RANBP17: variants seen among roughly 807,000 people sequenced by gnomAD.
RANBP17 encodes RAN binding protein 17.
A neutral mutation model predicts 141.2 loss-of-function variants in RANBP17; 158 were observed. The ratio of observed to expected loss-of-function variants is 1.12; its 90% CI spans 0.98 to 1.28. The LOEUF is 1.28. Among genes scored for constraint, RANBP17 ranks in the 50% most tolerant of loss-of-function variants. The probability of loss-of-function intolerance (pLI) is 0.00; values close to 1 mark genes in which losing one functional copy is unlikely to be tolerated. For synonymous variants in RANBP17, 430 were observed against 450.0 expected (o/e 0.96, Z 0.56); for missense variants, 1,438 against 1,290.7 (o/e 1.11, Z -1.75).
In RANBP17 at chr5:170,974,974, G is replaced by A. The variant is rs373864181; in HGVS notation, c.1710+6597G>A. Among the ~76,000 whole-genome samples, 61 of 152,156 alleles carry A rather than the reference G, an allele frequency of 4.0e-4. 1 individual carries two copies. The South Asian group carries it at 0.012, about 31-fold the overall frequency. On this transcript the variant is annotated intron_variant, in intron 14 of 27. Transcript: ENST00000523189. ...AGGCCCTTGCGCTCTGGGCCTGGGA[G>A]ACAGAATGAGAGACAGCCCCAAGGA...
chr5:171,002,570 C>T (rs1779288092), intron 14 of RANBP17, among the ~76,000 whole-genome samples: 2 of 152,168 alleles, frequency 1.3e-5, no homozygotes, highest in South Asian at 2.1e-4. Flanking sequence ...ATATGGAAGG[C>T]ATATTTAGAG....
At chr5:171,265,056 G>A (rs1401675316) in intron 24 of RANBP17, among the ~76,000 whole-genome samples, 1 of 152,174 alleles carries the variant, frequency 6.6e-6, no homozygotes, top group African/African-American at 2.4e-5. Flanking sequence ...GATGAGGTTA[G>A]ACCACTGTTT....
intron 14 of RANBP17, among the ~76,000 whole-genome samples, chr5:171,054,153 TC>T (rs1462120899): frequency 6.6e-6 from 1 of 152,000 alleles, no homozygotes; most frequent in Non-Finnish European, 1.5e-5. Flanking sequence ...AAAGTGAGTC[TC>T]CTGTAAGCAG....
chr5:171,010,659 G>A (rs1412679019), intron 14 of RANBP17, among the ~76,000 whole-genome samples: 1 of 151,942 alleles, frequency 6.6e-6, no homozygotes, highest in Non-Finnish European at 1.5e-5. Context: ...AAATCTAAGG[G>A]GGAAAAATGA....
chr5:171,020,741 G>A (rs1240438280), intron 14 of RANBP17, among the ~76,000 whole-genome samples: 1 of 152,032 alleles, frequency 6.6e-6, no homozygotes, highest in Non-Finnish European at 1.5e-5. Context: ...GCCGGTCTGT[G>A]TCTTTTAATT....
intron 24 of RANBP17, chr5:171,251,914 A>C: frequency 6.3e-7 from 1 of 1,585,718 alleles, no homozygotes; most frequent in Non-Finnish European, 8.7e-7. Context: ...GTTTCCAGTG[A>C]ATGAGCACTA....
chr5:171,199,764 A>C lies in RANBP17; in HGVS notation c.2133A>C (p.Glu711Asp). Residue 711 changes from glutamate (E) to aspartate (D), a missense_variant, in exon 19 of 28, where the codon GAA (glutamate) becomes GAC (aspartate). Physicochemically the swap from Glu to Asp is conservative, Grantham distance 45 (BLOSUM62 2). Transcript: ENST00000523189. ...LQIFNNNFKQ[E>D]DVKRMLIGLA... is the part of the protein sequence containing the mutation. ...TATTCAACAACAACTTTAAACAAGA[A>C]GATGTAAAGGTGGGTTTGTTTCCAA... 6.3e-7 allele frequency: 1 copy of C among 1,592,702 alleles called. No individual in the cohort carries two copies. The highest frequency in any genetic ancestry group is 8.6e-7 in the Non-Finnish European group (1 of 1,162,964).
chr5:171,228,063 G>A (rs1318252563), intron 22 of RANBP17, among the ~76,000 whole-genome samples: 1 of 152,202 alleles, frequency 6.6e-6, no homozygotes, highest in Non-Finnish European at 1.5e-5. Flanking sequence ...GCATTCTGCA[G>A]CCCATGGATC....
At chr5:170,872,054 A>G (rs1220376228) in intron 1 of RANBP17, among the ~76,000 whole-genome samples, 3 of 152,194 alleles carry the variant, frequency 2.0e-5, no homozygotes, top group Non-Finnish European at 4.4e-5. Flanking sequence ...AATTCTGTGA[A>G]GAATGTCAAT....
intron 14 of RANBP17, among the ~76,000 whole-genome samples, chr5:171,060,559 G>A (rs1052603932): frequency 2.0e-5 from 3 of 152,130 alleles, no homozygotes; most frequent in African/African-American, 7.2e-5. Context: ...GCTGGATTCG[G>A]TTTGTCAGTA....
chr5:171,008,749 ATTTCT>A, intron 14 of RANBP17, among the ~76,000 whole-genome samples: 2 of 152,158 alleles, frequency 1.3e-5, no homozygotes, highest in South Asian at 4.2e-4. Context: ...GGCTATTTTC[ATTTCT>A]TTTGTGGATC....
intron 4 of RANBP17, among the ~76,000 whole-genome samples, chr5:170,893,443 C>T (rs1769822082): frequency 6.6e-6 from 1 of 151,934 alleles, no homozygotes; most frequent in Admixed American, 6.6e-5. Flanking sequence ...TATATTTTTT[C>T]ATACAAACGT....
intron 9 of RANBP17, 126 bp downstream of exon 9, chr5:170,916,710 C>A: frequency 3.8e-6 from 2 of 532,802 alleles, no homozygotes; most frequent in Non-Finnish European, 5.9e-6. Context: ...ATATATCTTC[C>A]TTAGAGCTTT....
chr5:171,230,068 A>T (rs1380277881), intron 22 of RANBP17, among the ~76,000 whole-genome samples: 1 of 152,058 alleles, frequency 6.6e-6, no homozygotes, highest in Non-Finnish European at 1.5e-5. Flanking sequence ...TCCGTCTCAA[A>T]AAAAAGAAAA....
intron 14 of RANBP17, among the ~76,000 whole-genome samples, chr5:171,063,442 C>T (rs1010801780): frequency 3.3e-5 from 5 of 152,208 alleles, no homozygotes; most frequent in Admixed American, 6.5e-5. Context: ...CCCTGCTTGC[C>T]TGGGTATCAG....
intron 18 of RANBP17, among the ~76,000 whole-genome samples, chr5:171,192,411 T>C (rs1016515030): frequency 1.4e-4 from 22 of 152,170 alleles, no homozygotes; most frequent in African/African-American, 4.8e-4. Context: ...GGGAATGAGA[T>C]GTTTCATGGA....
chr5:170,973,051 T>G (rs1035299756), intron 14 of RANBP17, among the ~76,000 whole-genome samples: 2 of 152,188 alleles, frequency 1.3e-5, no homozygotes, highest in African/African-American at 4.8e-5. Context: ...CTTTTTTCCT[T>G]TGGTTTATTC....
At chr5:170,999,143 C>A (rs1227486998) in intron 14 of RANBP17, among the ~76,000 whole-genome samples, 1 of 151,898 alleles carries the variant, frequency 6.6e-6, no homozygotes, top group Non-Finnish European at 1.5e-5. Flanking sequence ...TATTTATTTT[C>A]TTAAATCATT....
At chr5:171,208,206 A>G (rs1280655509) in intron 20 of RANBP17, among the ~76,000 whole-genome samples, 5 of 152,224 alleles carry the variant, frequency 3.3e-5, no homozygotes, top group Non-Finnish European at 7.3e-5. Flanking sequence ...TATTTGATAA[A>G]ATGCTATTTT....
Sources: gnomAD v4.1 joint callset for allele counts (sites outside exome capture counted in the v4.1 genomes callset) on GRCh38, gnomAD v4.1.1 for gene constraint, MANE v1.5 for transcripts, NCBI Gene and HGNC (gene_info 2026-07-23, HGNC 2026-07-21) for gene names.